Variants in PRKAA2 observed in about 807,000 individuals in gnomAD.
The protein encoded by PRKAA2 is protein kinase AMP-activated catalytic subunit alpha 2, also known as 5'-AMP-activated protein kinase catalytic subunit alpha-2.
In PRKAA2, 40 loss-of-function variants were observed where a neutral mutation model predicts 56.3. That is an observed-to-expected ratio of 0.71 (90% CI 0.55 to 0.92). The LOEUF is 0.92. Among genes scored for constraint, PRKAA2 ranks in the 40% least tolerant of loss-of-function variants. The pLI, the probability that PRKAA2 is intolerant of heterozygous loss-of-function variation, is 0.00. For synonymous variants in PRKAA2, 214 were observed against 234.2 expected (o/e 0.91, Z 0.79); for missense variants, 542 against 686.9 (o/e 0.79, Z 2.36).
intron 1 of PRKAA2, among the ~76,000 whole-genome samples, chr1:56,662,193 T>C (rs1643999250): frequency 6.6e-6 from 1 of 152,126 alleles, no homozygotes; most frequent in Non-Finnish European, 1.5e-5. Flanking sequence ...AAGTGCCTTC[T>C]TAAGATGAAA....
At chr1:56,691,026 C>A (rs1039029340) in intron 2 of PRKAA2, among the ~76,000 whole-genome samples, 3 of 152,176 alleles carry the variant, frequency 2.0e-5, no homozygotes, top group Non-Finnish European at 4.4e-5. Flanking sequence ...GGATTACAGG[C>A]ATGAGCCATA....
rs2100443264 is a variant in PRKAA2, at chr1:56,709,072, C to T, written c.*1359C>T. 1 of 151,872 alleles carries T rather than the reference C, an allele frequency of 6.6e-6. No homozygotes were observed. Among genetic ancestry groups the T allele is most frequent in the African/African-American group, 2.4e-5 (1 of 41,446 alleles). The allele number at this position is 151,872 out of a possible 1,614,324, so 9.4% of individuals were successfully genotyped here. Reference sequence around the variant, plus strand: ...TAATTTTAAATTCTGTGTAATTTATCTAATTTGTATTTATTCATTTGTTAT... The same window carrying T: ...TAATTTTAAATTCTGTGTAATTTATTTAATTTGTATTTATTCATTTGTTAT... On this transcript the variant is annotated 3_prime_UTR_variant, in exon 9 of 9. Transcript: ENST00000371244.
intron 1 of PRKAA2, among the ~76,000 whole-genome samples, chr1:56,655,115 C>A: frequency 6.7e-6 from 1 of 150,260 alleles, no homozygotes. Context: ...AACTGACTGT[C>A]ATAAAACAAT....
Position 56,707,920 on chromosome 1 carries a change from GA to G in PRKAA2, c.*208del. 1 of 591,484 alleles carries G rather than the reference GA, an allele frequency of 1.7e-6. No individual in the cohort carries two copies. Among genetic ancestry groups the G allele is most frequent in the Non-Finnish European group, 2.9e-6 (1 of 340,076 alleles). 36.6% of individuals were successfully genotyped at this position (591,484 alleles called of 1,614,324 possible). On this transcript the variant is annotated 3_prime_UTR_variant, in exon 9 of 9. Coordinates refer to ENST00000371244, the MANE Select transcript of PRKAA2 (RefSeq NM_006252.4). Reference sequence around the variant, plus strand: ...AAATCTGTAATTCTATTGTGCCTATGATAAATTCACATAGGCAATATCTTTA... The same window carrying G: ...AAATCTGTAATTCTATTGTGCCTATGTAAATTCACATAGGCAATATCTTTA...
intron 4 of PRKAA2, among the ~76,000 whole-genome samples, 199 bp from the exon 5 acceptor site, chr1:56,693,566 T>G (rs1644241595): frequency 6.6e-6 from 1 of 152,152 alleles, no homozygotes; most frequent in Non-Finnish European, 1.5e-5. Context: ...ATATATGTGA[T>G]GTGCTTTAGC....
Position 56,703,891 on chromosome 1 carries a change from C to A in PRKAA2, c.789-80C>A, listed in dbSNP as rs1246389958. The A allele has an allele frequency of 9.1e-6, 13 of 1,420,780 alleles. No individual in the cohort carries two copies. The East Asian group carries it at 2.7e-4, about 30-fold the overall frequency. 88.0% of individuals were successfully genotyped at this position (1,420,780 alleles called of 1,614,324 possible). A position where few individuals can be genotyped will look rare whatever the true frequency, so the allele number is the denominator to read the frequency against. On this transcript the variant is annotated intron_variant, in intron 6 of 8. Transcript: ENST00000371244. ...AGAGACCAGATCTTTTGATTATATT[C>A]TATTATATTGCCCTATGTCTAAATT...
chr1:56,658,458 T>C (rs1216795297), intron 1 of PRKAA2, among the ~76,000 whole-genome samples: 1 of 152,118 alleles, frequency 6.6e-6, no homozygotes, highest in Non-Finnish European at 1.5e-5. Context: ...TTGGGATAAG[T>C]GTTGCTGGCA....
At chr1:56,685,872 T>C (rs1014285086) in intron 2 of PRKAA2, among the ~76,000 whole-genome samples, 1 of 152,218 alleles carries the variant, frequency 6.6e-6, no homozygotes, top group Non-Finnish European at 1.5e-5. Flanking sequence ...ATATTGATTG[T>C]GTTTGTATCA....
At chr1:56,691,571 T>C in intron 3 of PRKAA2, 84 bp downstream of exon 3, 1 of 1,102,622 alleles carries the variant, frequency 9.1e-7, no homozygotes, top group Non-Finnish European at 1.3e-6. Flanking sequence ...CAAAGATATC[T>C]TCAAGGTTGA....
chr1:56,687,431 A>T (rs940436198), intron 2 of PRKAA2, among the ~76,000 whole-genome samples: 6 of 152,088 alleles, frequency 3.9e-5, no homozygotes, highest in African/African-American at 1.2e-4. Context: ...ATATGTACAT[A>T]TATAAACTGT....
rs190911503 is a variant in PRKAA2 at position 56,673,197 on chromosome 1, C to T, written c.95-1184C>T. Among the ~76,000 whole-genome samples the T allele has an allele frequency of 2.3e-3, 345 of 151,804 alleles. 7 individuals are homozygous for T. The highest frequency in any genetic ancestry group is 0.019 in the Admixed American group (297 of 15,248). On this transcript the variant is annotated intron_variant, in intron 1 of 8. Transcript: ENST00000371244. The stretch of plus-strand genomic sequence containing the variant: ...GACCAGCCTGAGCAACATGGTGAGA[C>T]CCCATCTCTACAAAGATTTAAAGAA...
chr1:56,694,743 C>G (rs769879704), intron 5 of PRKAA2, among the ~76,000 whole-genome samples: 1 of 152,012 alleles, frequency 6.6e-6, no homozygotes, highest in Non-Finnish European at 1.5e-5. Context: ...CCCCTTAAGT[C>G]CCCACCTCCT....
chr1:56,699,976 T>C (rs1042048437), intron 6 of PRKAA2, among the ~76,000 whole-genome samples: 3 of 152,242 alleles, frequency 2.0e-5, no homozygotes, highest in African/African-American at 4.8e-5. Context: ...ATATACTACA[T>C]TTAGTTTATG....
intron 2 of PRKAA2, 111 bp downstream of exon 2, chr1:56,674,633 G>A (rs1423839995): frequency 1.0e-6 from 1 of 973,284 alleles, no homozygotes; most frequent in Admixed American, 3.1e-5. Context: ...TTTTTTTCAT[G>A]TTCATATTCA....
intron 4 of PRKAA2, among the ~76,000 whole-genome samples, chr1:56,692,709 A>G (rs957660535): frequency 6.6e-6 from 1 of 152,032 alleles, no homozygotes; most frequent in African/African-American, 2.4e-5. Context: ...AGATACCTCT[A>G]GAGAAGTTAG....
intron 2 of PRKAA2, among the ~76,000 whole-genome samples, chr1:56,684,816 G>A (rs1185394093): frequency 1.3e-5 from 2 of 152,056 alleles, no homozygotes; most frequent in South Asian, 4.2e-4. Flanking sequence ...AGGCAGGAGA[G>A]GAGAGACATA....
rs146348303 is a variant in PRKAA2 at position 56,676,335 on chromosome 1, A to C, written c.236+1813A>C. On this transcript the variant is annotated intron_variant, in intron 2 of 8. Coordinates refer to ENST00000371244, the MANE Select transcript of PRKAA2 (RefSeq NM_006252.4). Reference sequence around the variant, plus strand: ...GAGTAGAAGAAAAGAGTCAGAGAAAAAGGTCTGAACATAGAAACAACATCA... The same window carrying C: ...GAGTAGAAGAAAAGAGTCAGAGAAACAGGTCTGAACATAGAAACAACATCA... 2.4e-3 allele frequency among the ~76,000 whole-genome samples: 371 copies of C among 152,312 alleles called. 1 individual carries two copies. Among genetic ancestry groups the C allele is most frequent in the African/African-American group, 8.3e-3 (346 of 41,574 alleles).
rs1414997846 is a variant in PRKAA2 at position 56,712,143 on chromosome 1, G to A, written c.*4430G>A. On this transcript the variant is annotated 3_prime_UTR_variant, in exon 9 of 9. Coordinates refer to ENST00000371244, the MANE Select transcript of PRKAA2 (RefSeq NM_006252.4). ...TAACTTTGAGAGGTAACCAGAGAAA[G>A]CATTTTTGCCATTTCCAGATGAGGA... is the stretch of plus-strand genomic sequence containing the variant. 1 of 152,156 alleles carries A rather than the reference G, an allele frequency of 6.6e-6. No homozygotes were observed. The highest frequency in any genetic ancestry group is 1.5e-5 in the Non-Finnish European group (1 of 68,048). 9.4% of individuals were successfully genotyped at this position (152,156 alleles called of 1,614,324 possible).
At chr1:56,701,074 T>G (rs2100433686) in intron 6 of PRKAA2, among the ~76,000 whole-genome samples, 1 of 152,328 alleles carries the variant, frequency 6.6e-6, no homozygotes, top group African/African-American at 2.4e-5. Flanking sequence ...TTTGGTTAAT[T>G]TCCGGTGTTC....
Sources: allele counts gnomAD v4.1 joint callset (sites outside exome capture counted in the v4.1 genomes callset), GRCh38; gene constraint gnomAD v4.1.1; transcripts MANE v1.5; gene names NCBI Gene and HGNC (gene_info 2026-07-23, HGNC 2026-07-21).